The following PLCL2 variants were observed in gnomAD, a reference collection of about 807,000 sequenced individuals.
PLCL2 encodes the protein phospholipase C like 2, also known as inactive phospholipase C-like protein 2.
PLCL2 carries 4 observed loss-of-function variants against 79.6 expected under a neutral mutation model. That is an observed-to-expected ratio of 0.05 (90% CI 0.02 to 0.11). The LOEUF is 0.11. Among genes scored for constraint, PLCL2 ranks in the 10% least tolerant of loss-of-function variants. The pLI, the probability that PLCL2 is intolerant of heterozygous loss-of-function variation, is 1.00. For synonymous variants in PLCL2, 484 were observed against 457.7 expected (o/e 1.06, Z -0.73); for missense variants, 895 against 1,291.0 (o/e 0.69, Z 4.70).
rs564351938 is a variant in PLCL2, at chr3:17,048,295, C to G, written c.3094+5346C>G. On this transcript the variant is annotated intron_variant, in intron 4 of 5. Transcript: ENST00000615277. ...GACCCTTGGACAACACAAGTTTGAA[C>G]AGCATGGGTCCACATATATGTGAGT... 5.3e-5 allele frequency among the ~76,000 whole-genome samples: 8 copies of G among 152,218 alleles called. No individual in the cohort carries two copies. In the South Asian group the frequency reaches 1.7e-3, roughly 32 times the overall value.
chr3:16,995,383 A>T (rs6807144), intron 1 of PLCL2, among the ~76,000 whole-genome samples: 91,773 of 152,170 alleles, frequency 0.6, 28,123 homozygotes, highest in African/African-American at 0.71. Flanking sequence ...GTTTTGTACA[A>T]ATTTGTATTT....
At chr3:16,914,549 A>G (rs182116569) in intron 1 of PLCL2, among the ~76,000 whole-genome samples, 356 of 151,374 alleles carry the variant, frequency 2.4e-3, no homozygotes, top group Non-Finnish European at 4.0e-3. Flanking sequence ...TGGTGGTCCA[A>G]TTTCATTGTA....
chr3:16,943,886 T>C (rs1395108437), intron 1 of PLCL2, among the ~76,000 whole-genome samples: 1 of 152,234 alleles, frequency 6.6e-6, no homozygotes, highest in Admixed American at 6.5e-5. Flanking sequence ...TTAATCACCC[T>C]TTGGATCCTT....
chr3:16,893,987 A>G (rs1044887991), intron 1 of PLCL2, among the ~76,000 whole-genome samples: 6 of 152,164 alleles, frequency 3.9e-5, no homozygotes, highest in African/African-American at 9.7e-5. Context: ...GCTGTTCCCT[A>G]TGAGCATTGC....
In PLCL2 at chr3:17,010,206, T is replaced by C. The variant is rs201806022; in HGVS notation, c.860T>C (p.Ile287Thr). The C allele has an allele frequency of 1.6e-5, 26 of 1,614,118 alleles. No homozygotes were observed. Among genetic ancestry groups the C allele is most frequent in the African/African-American group, 1.5e-4 (11 of 75,044 alleles). Residue 287 changes from isoleucine to threonine, a missense_variant, in exon 2 of 6, where the codon ATA becomes ACA. Ile to Thr is a moderately conservative substitution (Grantham distance 89). Around this residue, in one of 6 missense-constraint regions of PLCL2, gnomAD observed 93 missense variants for 93.2 expected, o/e 1.00. Transcript: ENST00000615277. The surrounding 1 kb of genome is among the most constrained non-coding windows in gnomAD (Gnocchi z 5.8). ...ATTGATGTAGATAACCTTGGACATATAACTCTGTGTAATGCTGTGCAATGT... is the reference window on the plus strand; with the variant it reads ...ATTGATGTAGATAACCTTGGACATACAACTCTGTGTAATGCTGTGCAATGT... ...SEIDVDNLGH[I>T]TLCNAVQCIR... is the part of the protein sequence containing the mutation.
intron 1 of PLCL2, among the ~76,000 whole-genome samples, chr3:16,929,081 C>G (rs77302713): frequency 1 from 112,852 of 112,854 alleles, 56,425 homozygotes; most frequent in Non-Finnish European, 1. Flanking sequence ...TACACCACAG[C>G]CGCAGCATAG....
At chr3:17,014,557 G>A in intron 2 of PLCL2, 151 bp from the exon 3 acceptor site, 1 of 662,770 alleles carries the variant, frequency 1.5e-6, no homozygotes, top group Non-Finnish European at 2.6e-6. Context: ...TTTTTCCCAG[G>A]ATAAAACAAT....
intron 5 of PLCL2, among the ~76,000 whole-genome samples, chr3:17,085,433 T>G (rs1475055885): frequency 1.5e-5 from 2 of 136,018 alleles, no homozygotes; most frequent in African/African-American, 6.4e-5. Flanking sequence ...AGCCAATTTA[T>G]TTCTTTTTTT....
chr3:16,985,595 C>T (rs2064041917), intron 1 of PLCL2, among the ~76,000 whole-genome samples: 1 of 152,050 alleles, frequency 6.6e-6, no homozygotes, highest in African/African-American at 2.4e-5. Context: ...TTGTGTACTC[C>T]CAATGCTTTT....
chr3:16,983,539 C>G (rs1248456562), intron 1 of PLCL2, among the ~76,000 whole-genome samples: 1 of 151,992 alleles, frequency 6.6e-6, no homozygotes, highest in Non-Finnish European at 1.5e-5. Flanking sequence ...GCGTGGTGGC[C>G]GGCACCTGTA....
chr3:16,992,947 G>A (rs2064118935), intron 1 of PLCL2, among the ~76,000 whole-genome samples: 1 of 152,192 alleles, frequency 6.6e-6, no homozygotes, highest in Non-Finnish European at 1.5e-5. Flanking sequence ...GTGGGTTCCT[G>A]GCCTGGGTAG....
intron 1 of PLCL2, among the ~76,000 whole-genome samples, chr3:16,968,131 C>A (rs1024553992): frequency 1.3e-5 from 2 of 151,974 alleles, no homozygotes; most frequent in East Asian, 3.9e-4. Context: ...TGTCTCAAGA[C>A]AGCCAGTACC....
chr3:16,953,579 T>A (rs2063672316), intron 1 of PLCL2, among the ~76,000 whole-genome samples: 1 of 152,160 alleles, frequency 6.6e-6, no homozygotes. Context: ...GATGGTAAGA[T>A]GATAATGTGC....
intron 1 of PLCL2, among the ~76,000 whole-genome samples, chr3:16,943,503 A>C (rs2063573317): frequency 6.6e-6 from 1 of 152,224 alleles, no homozygotes; most frequent in Non-Finnish European, 1.5e-5. Context: ...ATTATTTTTC[A>C]GATTTTACAA....
chr3:16,929,119 A>G (rs80280549), intron 1 of PLCL2, among the ~76,000 whole-genome samples: 149,416 of 151,648 alleles, frequency 0.99, 73,592 homozygotes, highest in Middle Eastern at 1. Context: ...CGGTGAGGAT[A>G]CCTGCGCAGA....
chr3:17,004,907 T>C (rs371479479), intron 1 of PLCL2, among the ~76,000 whole-genome samples: 1 of 152,168 alleles, frequency 6.6e-6, no homozygotes, highest in Non-Finnish European at 1.5e-5. Flanking sequence ...TATTTATATT[T>C]CAGATTAAAT....
At position 17,074,428 on chromosome 3, in the gene PLCL2, T is replaced by A. The variant is rs150578774; in HGVS notation, c.3204+6363T>A. Among the ~76,000 whole-genome samples, 712 of 152,318 alleles carry A rather than the reference T, an allele frequency of 4.7e-3. 7 individuals are homozygous for A. Among genetic ancestry groups the A allele is most frequent in the African/African-American group, 0.016 (659 of 41,576 alleles). ...ATTTATAGAGCACGGGCAGAGTAAA[T>A]TTAGCATAATACTTAAGGGCCCTAG... On this transcript the variant is annotated intron_variant, in intron 5 of 5. Transcript: ENST00000615277.
At chr3:17,089,683 C>A (rs199858720) in intron 5 of PLCL2, 50 bp from the exon 6 acceptor site, 28 of 1,061,356 alleles carry the variant, frequency 2.6e-5, no homozygotes, top group East Asian at 2.2e-4. Flanking sequence ...TGAAGTATAA[C>A]ACTAAGTTAT....
rs1278019917 is a variant in PLCL2, at chr3:17,059,723, G to A, written c.3095-8233G>A. ...GAAGGATACCTAAGAAGGAATAACA[G>A]TGGTTGCCTGAGAAGGGGAGGGAAA... is the stretch of plus-strand genomic sequence containing the variant. On this transcript the variant is annotated intron_variant, in intron 4 of 5. Coordinates refer to ENST00000615277, the MANE Select transcript of PLCL2 (RefSeq NM_001144382.2). 2.0e-5 allele frequency among the ~76,000 whole-genome samples: 3 copies of A among 152,138 alleles called. No individual in the cohort carries two copies. In the East Asian group the frequency reaches 5.8e-4, roughly 29 times the overall value.
Sources: gnomAD v4.1 joint callset for allele counts (sites outside exome capture counted in the v4.1 genomes callset) on GRCh38, gnomAD v4.1.1 for gene constraint, gnomAD v4.1.1 regional missense constraint, Gnocchi (gnomAD v3.1) non-coding constraint, MANE v1.5 for transcripts, NCBI Gene and HGNC (gene_info 2026-07-23, HGNC 2026-07-21) for gene names.